Variants in BPIFB2 observed in about 807,000 individuals in gnomAD.
The protein encoded by BPIFB2 is BPI fold containing family B member 2.
BPIFB2 carries 39 observed loss-of-function variants against 50.1 expected under a neutral mutation model. The observed-to-expected ratio is 0.78, with a 90% confidence interval of 0.60 to 1.02. BPIFB2 has a LOEUF of 1.02. Ranked by LOEUF, BPIFB2 falls within the 50% of genes least tolerant of loss-of-function variation. BPIFB2 has a pLI of 0.00. For synonymous variants in BPIFB2, 280 were observed against 256.3 expected (o/e 1.09, Z -0.88); for missense variants, 574 against 585.8 (o/e 0.98, Z 0.21).
chr20:33,018,875 C>G (rs965540841), intron 9 of BPIFB2, 53 bp downstream of exon 9: 5 of 1,582,746 alleles, frequency 3.2e-6, no homozygotes, highest in Non-Finnish European at 2.6e-6. Flanking sequence ...TCCCTGTGGC[C>G]CAGCCTAGGG....
intron 10 of BPIFB2, 55 bp from the exon 11 acceptor site, chr20:33,019,525 A>G: frequency 4.6e-6 from 7 of 1,512,252 alleles, no homozygotes; most frequent in East Asian, 2.3e-5. Context: ...GTGACTGACC[A>G]GAGAGCCCGC....
At chr20:33,017,243 A>T in intron 7 of BPIFB2, 141 bp downstream of exon 7, 1 of 622,138 alleles carries the variant, frequency 1.6e-6, no homozygotes. Flanking sequence ...GAGCTCCCAA[A>T]ACAGTGTAAT....
intron 5 of BPIFB2, 67 bp from the exon 6 acceptor site, chr20:33,015,369 A>G: frequency 4.2e-6 from 6 of 1,442,544 alleles, no homozygotes; most frequent in Non-Finnish European, 5.8e-6. Flanking sequence ...CAGACGTGCG[A>G]CTGTGCTGAG....
chr20:33,017,868 A>C (rs907695340), intron 7 of BPIFB2, among the ~76,000 whole-genome samples: 21 of 152,208 alleles, frequency 1.4e-4, no homozygotes, highest in African/African-American at 5.1e-4. Flanking sequence ...GCTGTAAGTC[A>C]AGCATCTGGA....
At chr20:33,021,512 T>TAGCAGCTGTGTGATCTTCACCA (rs1339794922) in intron 14 of BPIFB2, among the ~76,000 whole-genome samples, 168 bp downstream of exon 14, 1 of 152,244 alleles carries the variant, frequency 6.6e-6, no homozygotes, top group African/African-American at 2.4e-5. Flanking sequence ...CATATCTGTG[T>TAGCAGCTGTGTGATCTTCACCA]AGCAGCTGTG....
At position 33,023,620 on chromosome 20, in the gene BPIFB2, G is replaced by T; in HGVS notation, c.*237G>T. The T allele has an allele frequency of 1.7e-6, 1 of 604,046 alleles. No homozygotes were observed. Among genetic ancestry groups the T allele is most frequent in the East Asian group, 2.8e-5 (1 of 35,524 alleles). 37.4% of individuals were successfully genotyped at this position (604,046 alleles called of 1,614,324 possible). On this transcript the variant is annotated 3_prime_UTR_variant, in exon 16 of 16. Transcript: ENST00000170150. ...CCCTCATCTCCCCCCTCCTTCCTCT[G>T]CCCCACCCCAGCGGGGAGCAGACTG...
Position 33,014,396 on chromosome 20 carries a change from A to G in BPIFB2, c.455+440A>G, listed in dbSNP as rs193076444. Among the ~76,000 whole-genome samples the G allele has an allele frequency of 5.9e-3, 899 of 152,356 alleles. 3 individuals carry two copies. The highest frequency in any genetic ancestry group is 0.01 in the Admixed American group (156 of 15,306). ...AAGGCTGATGGCAGCTCCCGCCTCCAGAGCACTTATGTGTGCTGAGCATTG... is the reference window on the plus strand; with the variant it reads ...AAGGCTGATGGCAGCTCCCGCCTCCGGAGCACTTATGTGTGCTGAGCATTG... On this transcript the variant is annotated intron_variant, in intron 5 of 15. Transcript: ENST00000170150.
At chr20:33,014,180 C>T (rs923250625) in intron 5 of BPIFB2, among the ~76,000 whole-genome samples, 8 of 152,194 alleles carry the variant, frequency 5.3e-5, no homozygotes, top group African/African-American at 1.9e-4. Context: ...ACCTTTCCAT[C>T]CCCTGCACCA....
chr20:33,019,898 C>A, intron 11 of BPIFB2, 148 bp downstream of exon 11: 2 of 1,123,676 alleles, frequency 1.8e-6, no homozygotes, highest in Non-Finnish European at 2.4e-6. Context: ...AGGACCTTTG[C>A]ATGTGCTGAG....
intron 5 of BPIFB2, among the ~76,000 whole-genome samples, chr20:33,014,379 T>C (rs1321189454): frequency 6.6e-6 from 1 of 152,232 alleles, no homozygotes; most frequent in Non-Finnish European, 1.5e-5. Context: ...TAAAGGCTGA[T>C]GGCAGCTCCC....
rs758161311 is a variant in BPIFB2 at position 33,019,690 on chromosome 20, C to T, written c.1020C>T (p.Phe340=). The change falls in exon 11 of 16, where the codon TTC becomes TTT. Residue 340 remains phenylalanine (F), a synonymous_variant. Coordinates refer to ENST00000170150, the MANE Select transcript of BPIFB2 (RefSeq NM_025227.3). ...TNNATLRLQP[F]VEVLATASNS... Reference sequence around the variant, plus strand: ...ACGCCACCCTGCGGCTGCAGCCCTTCGTGGAGGTCCTGGCCACAGCCTCCA... The same window carrying T: ...ACGCCACCCTGCGGCTGCAGCCCTTTGTGGAGGTCCTGGCCACAGCCTCCA... The T allele has an allele frequency of 4.3e-6, 7 of 1,612,446 alleles. No individual in the cohort carries two copies. The highest frequency in any genetic ancestry group is 4.5e-5 in the East Asian group (2 of 44,862).
At position 33,020,524 on chromosome 20, in the gene BPIFB2, C is replaced by A. The variant is rs1180946731; in HGVS notation, c.1149-18C>A. On this transcript the variant is annotated intron_variant, in intron 12 of 15. Coordinates refer to ENST00000170150, the MANE Select transcript of BPIFB2 (RefSeq NM_025227.3). ...GAGGTGCCAGACCCTGTCCTGAATTCTCCTGCTTCTCTTTCAGGGATGTCC... is the reference window on the plus strand; with the variant it reads ...GAGGTGCCAGACCCTGTCCTGAATTATCCTGCTTCTCTTTCAGGGATGTCC... The A allele has an allele frequency of 1.9e-6, 3 of 1,603,974 alleles. No individual in the cohort carries two copies. The highest frequency in any genetic ancestry group is 3.4e-5 in the Admixed American group (2 of 59,302).
chr20:33,016,247 G>A (rs1480928310), intron 6 of BPIFB2, among the ~76,000 whole-genome samples: 1 of 152,122 alleles, frequency 6.6e-6, no homozygotes, highest in Non-Finnish European at 1.5e-5. Flanking sequence ...CCTTACAGAT[G>A]AGAAAACCGA....
chr20:33,008,752 C>T lies in BPIFB2; in HGVS notation c.109+69C>T, dbSNP rs1425388270. ...GCGTGTGCAATCCTAAGTGTGTGTG[C>T]GTAGCTGTGAACTCAAAAGGCCCAT... On this transcript the variant is annotated intron_variant, in intron 2 of 15. Transcript: ENST00000170150. 1.3e-5 allele frequency: 17 copies of T among 1,308,104 alleles called. No homozygotes were observed. The East Asian group carries it at 1.7e-4, about 13-fold the overall frequency. The allele number at this position is 1,308,104 out of a possible 1,614,324, so 81.0% of individuals were successfully genotyped here.
chr20:33,015,576 G>A (rs1978388560), intron 6 of BPIFB2, 80 bp downstream of exon 6: 1 of 1,292,016 alleles, frequency 7.7e-7, no homozygotes, highest in Non-Finnish European at 1.1e-6. Flanking sequence ...GGGATTTCAG[G>A]CAGGGGGTAC....
rs527598595 is a variant in BPIFB2 at position 33,019,716 on chromosome 20, A to G, written c.1046A>G (p.Asn349Ser). The change falls in exon 11 of 16, where the codon AAC becomes AGC. Residue 349 changes from asparagine (N) to serine (S), a missense_variant. By Grantham distance (46) the Asn-to-Ser change is conservative. Coordinates refer to ENST00000170150, the MANE Select transcript of BPIFB2 (RefSeq NM_025227.3). ...PFVEVLATAS[N>S]SAFQSLFSLD... ...GTGGAGGTCCTGGCCACAGCCTCCA[A>G]CTCGGCTTTCCAGTCCCTCTTCTCC... 1.2e-6 allele frequency: 2 copies of G among 1,609,752 alleles called. No individual in the cohort carries two copies. Among genetic ancestry groups the G allele is most frequent in the African/African-American group, 1.3e-5 (1 of 74,870 alleles).
At chr20:33,008,225 G>C (rs1470407311) in intron 1 of BPIFB2, among the ~76,000 whole-genome samples, 2 of 152,192 alleles carry the variant, frequency 1.3e-5, no homozygotes, top group African/African-American at 4.8e-5. Context: ...CTCCCCGTTT[G>C]GGAGTCTCAC....
intron 5 of BPIFB2, 64 bp downstream of exon 5, chr20:33,014,020 T>C (rs1354146654): frequency 3.0e-5 from 46 of 1,558,342 alleles, no homozygotes; most frequent in Non-Finnish European, 3.9e-5. Flanking sequence ...TGCTGTTTCC[T>C]GAGCTGCCCA....
In BPIFB2 at chr20:33,023,402, C is replaced by G. The variant is rs751018905; in HGVS notation, c.*19C>G. 8.1e-6 allele frequency: 13 copies of G among 1,613,166 alleles called. No individual in the cohort carries two copies. The highest frequency in any genetic ancestry group is 1.1e-5 in the South Asian group (1 of 91,068). ...GAGCTGAGGCAAGACCACTGGGAGGCCTGAGAGTGGGCCAGCTCGCTGCTC... is the reference window on the plus strand; with the variant it reads ...GAGCTGAGGCAAGACCACTGGGAGGGCTGAGAGTGGGCCAGCTCGCTGCTC... On this transcript the variant is annotated 3_prime_UTR_variant, in exon 16 of 16. Coordinates refer to ENST00000170150, the MANE Select transcript of BPIFB2 (RefSeq NM_025227.3).
Sources: gnomAD v4.1 joint callset for allele counts (sites outside exome capture counted in the v4.1 genomes callset) on GRCh38, gnomAD v4.1.1 for gene constraint, MANE v1.5 for transcripts, NCBI Gene and HGNC (gene_info 2026-07-23, HGNC 2026-07-21) for gene names.